Variants in RBBP5 observed in about 807,000 individuals in gnomAD.
The protein encoded by RBBP5 is RB binding protein 5, histone lysine methyltransferase complex subunit, also known as retinoblastoma-binding protein 5.
Under a neutral mutation model 72.2 loss-of-function variants are expected in RBBP5, and 5 were observed. The observed-to-expected ratio is 0.07, with a 90% CI of 0.04 to 0.15. The LOEUF is 0.15. Ranked by LOEUF, RBBP5 falls within the 10% of genes least tolerant of loss-of-function variation. RBBP5 has a pLI of 1.00. For missense variants in RBBP5, 322 were observed against 652.2 expected (o/e 0.49, Z 5.51); for synonymous variants, 209 against 237.2 (o/e 0.88, Z 1.09).
chr1:205,114,441 C>A (rs144179032), intron 3 of RBBP5, among the ~76,000 whole-genome samples: 1 of 152,182 alleles, frequency 6.6e-6, no homozygotes, highest in South Asian at 2.1e-4. Context: ...CAGTAAACTG[C>A]ACAAAACTGG....
At chr1:205,097,575 A>G (rs1454286318) in intron 10 of RBBP5, among the ~76,000 whole-genome samples, 180 bp from the exon 11 acceptor site, 1 of 152,206 alleles carries the variant, frequency 6.6e-6, no homozygotes, top group Non-Finnish European at 1.5e-5. Flanking sequence ...AGGCACTGAA[A>G]ATAGTGCAAT....
intron 3 of RBBP5, among the ~76,000 whole-genome samples, chr1:205,109,877 G>A (rs1036497565): frequency 1.3e-5 from 2 of 151,940 alleles, no homozygotes; most frequent in African/African-American, 4.8e-5. Flanking sequence ...CCTAACAAGG[G>A]GGGTGGCAAG....
intron 3 of RBBP5, among the ~76,000 whole-genome samples, chr1:205,106,397 C>T (rs937445020): frequency 6.6e-6 from 1 of 152,292 alleles, no homozygotes; most frequent in East Asian, 1.9e-4. Flanking sequence ...GAGTTTGAGA[C>T]CAGCCTGGCC....
chr1:205,119,212 G>A (rs1009919243), intron 1 of RBBP5, among the ~76,000 whole-genome samples: 2 of 152,092 alleles, frequency 1.3e-5, no homozygotes, highest in Non-Finnish European at 2.9e-5. Flanking sequence ...GGCCAACATG[G>A]TGAAACCCAG....
At chr1:205,095,130 T>C in intron 12 of RBBP5, 66 bp from the exon 13 acceptor site, 2 of 1,458,590 alleles carry the variant, frequency 1.4e-6, no homozygotes, top group Non-Finnish European at 1.9e-6. Context: ...AACCACAACT[T>C]TGTTGAGCAA....
At chr1:205,106,924 A>G (rs1224978796) in intron 3 of RBBP5, among the ~76,000 whole-genome samples, 1 of 152,190 alleles carries the variant, frequency 6.6e-6, no homozygotes, top group African/African-American at 2.4e-5. Context: ...AGTAACAGAA[A>G]TAAACTCAAT....
intron 3 of RBBP5, among the ~76,000 whole-genome samples, chr1:205,108,724 T>C (rs1656181422): frequency 6.6e-6 from 1 of 152,204 alleles, no homozygotes; most frequent in Non-Finnish European, 1.5e-5. Flanking sequence ...GTTAAGAATA[T>C]GGCTCAAAAG....
Position 205,099,702 on chromosome 1 carries a change from G to T in RBBP5, c.978+39C>A. Reference sequence around the variant, plus strand: ...TATAAGGTTCTTTGATAAAAAGAAGGGGTAACTAGTTTCGAAGCAAGTAAA... The same window carrying T: ...TATAAGGTTCTTTGATAAAAAGAAGTGGTAACTAGTTTCGAAGCAAGTAAA... On this transcript the variant is annotated intron_variant, in intron 9 of 13. Transcript: ENST00000264515. This position sits in a 1 kb window ranked among gnomAD's most constrained non-coding sequence, Gnocchi z 4.7. The T allele has an allele frequency of 6.5e-7, 1 of 1,537,656 alleles. No individual in the cohort carries two copies. Among genetic ancestry groups the T allele is most frequent in the Non-Finnish European group, 8.9e-7 (1 of 1,118,130 alleles).
chr1:205,119,447 T>C (rs567388635), intron 1 of RBBP5, among the ~76,000 whole-genome samples: 2 of 152,308 alleles, frequency 1.3e-5, no homozygotes, highest in East Asian at 3.9e-4. Flanking sequence ...CTAATGAACC[T>C]TCTGTATCAT....
chr1:205,103,616 C>A (rs1655934490), intron 5 of RBBP5, among the ~76,000 whole-genome samples: 1 of 151,960 alleles, frequency 6.6e-6, no homozygotes, highest in African/African-American at 2.4e-5. Context: ...TCATAATGGC[C>A]CTTCATTACT....
In RBBP5 at chr1:205,099,824, T is replaced by C; in HGVS notation, c.907-12A>G. 1.2e-6 allele frequency: 2 copies of C among 1,613,656 alleles called. No homozygotes were observed. The highest frequency in any genetic ancestry group is 2.2e-5 in the East Asian group (1 of 44,896). ...CGAACAGGATGCCACTAAATTTTAG[T>C]GAAGGAAAGAAAAACAGGTTGTTAA... is the stretch of plus-strand genomic sequence containing the variant. On this transcript the variant is annotated splice_polypyrimidine_tract_variant and intron_variant, in intron 8 of 13. Coordinates refer to ENST00000264515, the MANE Select transcript of RBBP5 (RefSeq NM_005057.4). The surrounding 1 kb of genome is among the most constrained non-coding windows in gnomAD (Gnocchi z 4.7).
chr1:205,101,585 TA>T lies in RBBP5; in HGVS notation c.632+14del. ...ACTCTTAAAACTGTCCCTTAAAAGG[TA>T]AGATCTCACTCACCTCCCCTTCCGG... On this transcript the variant is annotated intron_variant, in intron 6 of 13. Transcript: ENST00000264515. 6.3e-7 allele frequency: 1 copy of T among 1,579,600 alleles called. No homozygotes were observed. The highest frequency in any genetic ancestry group is 8.7e-7 in the Non-Finnish European group (1 of 1,152,966).
chr1:205,092,904 T>C (rs1286095979), intron 13 of RBBP5, among the ~76,000 whole-genome samples: 1 of 152,188 alleles, frequency 6.6e-6, no homozygotes, highest in Non-Finnish European at 1.5e-5. Flanking sequence ...AAGCACATGA[T>C]TAGGGATAGA....
Position 205,100,216 on chromosome 1 carries a change from T to C in RBBP5, c.688A>G (p.Ile230Val). The C allele has an allele frequency of 6.2e-7, 1 of 1,614,190 alleles. No homozygotes were observed. The highest frequency in any genetic ancestry group is 1.7e-5 in the Admixed American group (1 of 60,024). Reference protein sequence around the residue: ...RIIRVYDGREILTCGRDGEPE... With the variant: ...RIIRVYDGREVLTCGRDGEPE... ...TCTCCATCTCTTCCACATGTTAAGA[T>C]TTCTCTGCCATCATAAACTCTGATT... The change falls in exon 7 of 14, where the codon ATC becomes GTC. Residue 230 changes from isoleucine (I) to valine (V), a missense_variant. Physicochemically the swap from Ile to Val is conservative, Grantham distance 29. Coordinates refer to ENST00000264515, the MANE Select transcript of RBBP5 (RefSeq NM_005057.4).
rs1655156126 is a variant in RBBP5 at position 205,086,747 on chromosome 1, A to C, written c.*2040T>G. On this transcript the variant is annotated 3_prime_UTR_variant, in exon 14 of 14. Transcript: ENST00000264515. Reference sequence around the variant, plus strand: ...TGACAGGGCTGAAGATGATTTTCTCAGTAGCCAGTTTAGGAGGTGGACATA... The same window carrying C: ...TGACAGGGCTGAAGATGATTTTCTCCGTAGCCAGTTTAGGAGGTGGACATA... The C allele has an allele frequency of 6.6e-6, 1 of 152,230 alleles. No homozygotes were observed. Among genetic ancestry groups the C allele is most frequent in the South Asian group, 2.1e-4 (1 of 4,828 alleles). The allele number at this position is 152,230 out of a possible 1,614,324, so 9.4% of individuals were successfully genotyped here.
chr1:205,097,445 T>C, intron 10 of RBBP5, 50 bp from the exon 11 acceptor site: 1 of 1,512,988 alleles, frequency 6.6e-7, no homozygotes, highest in Non-Finnish European at 9.0e-7. Context: ...AAAAACTGCT[T>C]TTTATTTGCA....
At chr1:205,112,336 TAC>T (rs1558580578) in intron 3 of RBBP5, among the ~76,000 whole-genome samples, 3 of 152,024 alleles carry the variant, frequency 2.0e-5, no homozygotes, top group Non-Finnish European at 4.4e-5. Flanking sequence ...TAAAATAAAA[TAC>T]AGTTATAAAT....
intron 4 of RBBP5, 43 bp downstream of exon 4, chr1:205,104,985 T>A (rs759309531): frequency 1.3e-6 from 2 of 1,594,962 alleles, no homozygotes; most frequent in African/African-American, 2.7e-5. Flanking sequence ...CTAATCCATA[T>A]AGAATTAGAC....
chr1:205,097,259 G>A, intron 11 of RBBP5, 67 bp downstream of exon 11: 2 of 1,424,596 alleles, frequency 1.4e-6, no homozygotes, highest in South Asian at 1.2e-5. Context: ...CAGGGAAACT[G>A]CAGAGTACTC....
Sources: gnomAD v4.1 joint callset for allele counts (sites outside exome capture counted in the v4.1 genomes callset) on GRCh38, gnomAD v4.1.1 for gene constraint, Gnocchi (gnomAD v3.1) non-coding constraint, MANE v1.5 for transcripts, NCBI Gene and HGNC (gene_info 2026-07-23, HGNC 2026-07-21) for gene names.